Variants in SMOC1 observed in about 807,000 individuals in gnomAD.
SMOC1 encodes the protein SPARC related modular calcium binding 1, also known as SPARC-related modular calcium-binding protein 1.
SMOC1 carries 22 observed loss-of-function variants against 56.3 expected under a neutral mutation model. The observed-to-expected ratio is 0.39, with a 90% CI of 0.28 to 0.56. The LOEUF is 0.56. SMOC1 is among the 20% of genes least tolerant of loss of function. The pLI is 0.61. For synonymous variants in SMOC1, 193 were observed against 215.0 expected (o/e 0.90, Z 0.89); for missense variants, 509 against 565.4 (o/e 0.90, Z 1.01).
rs183998567 is a variant in SMOC1 at position 69,949,557 on chromosome 14, A to G, written c.100-2581A>G. Among the ~76,000 whole-genome samples the G allele has an allele frequency of 3.4e-3, 514 of 152,348 alleles. 4 individuals carry two copies. Among genetic ancestry groups the G allele is most frequent in the African/African-American group, 0.012 (495 of 41,582 alleles). On this transcript the variant is annotated intron_variant, in intron 1 of 11. Transcript: ENST00000361956. ...CCATGAAGGAAAAATGAAGTGTGAG[A>G]GAGTATTACAGGAGATTGTCCTCAC...
At position 70,030,322 on chromosome 14, in the gene SMOC1, A is replaced by T; in HGVS notation, c.*64A>T. Reference sequence around the variant, plus strand: ...GGCAGGATGGATCACCAGACACCTAACCTTCAGCGTTGCCCATGGCCCTGC... The same window carrying T: ...GGCAGGATGGATCACCAGACACCTATCCTTCAGCGTTGCCCATGGCCCTGC... On this transcript the variant is annotated 3_prime_UTR_variant, in exon 12 of 12. Coordinates refer to ENST00000361956, the MANE Select transcript of SMOC1 (RefSeq NM_001034852.3). 6.2e-7 allele frequency: 1 copy of T among 1,600,862 alleles called. No individual in the cohort carries two copies. The highest frequency in any genetic ancestry group is 8.5e-7 in the Non-Finnish European group (1 of 1,172,592).
At chr14:70,013,546 T>A in intron 10 of SMOC1, 55 bp downstream of exon 10, 1 of 1,454,714 alleles carries the variant, frequency 6.9e-7, no homozygotes, top group Non-Finnish European at 9.6e-7. Flanking sequence ...CCCCTGACTT[T>A]TCAAATGCTG....
In SMOC1 at chr14:69,953,463, G is replaced by A. The variant is rs1198635226; in HGVS notation, c.309G>A (p.Leu103=). The change falls in exon 3 of 12, where the codon CTG becomes CTA. Residue 103 remains leucine, a synonymous_variant. Transcript: ENST00000361956. ...GTCGCCTGGAGCGGGCTCAAGCCCT[G>A]GAGCAAGCCAAGAAGCCTCAGGAAG... The part of the protein sequence containing the change: ...SKCRLERAQA[L]EQAKKPQEAV... 3 of 1,614,132 alleles carry A rather than the reference G, an allele frequency of 1.9e-6. No individual in the cohort carries two copies. In the African/African-American group the frequency reaches 4.0e-5, roughly 22 times the overall value.
At chr14:69,970,685 G>C (rs1016001451) in intron 3 of SMOC1, among the ~76,000 whole-genome samples, 1 of 152,056 alleles carries the variant, frequency 6.6e-6, no homozygotes, top group African/African-American at 2.4e-5. Context: ...TTCATCTGTC[G>C]GCCCCATTTC....
intron 1 of SMOC1, among the ~76,000 whole-genome samples, chr14:69,923,403 G>A (rs1414647778): frequency 6.6e-6 from 1 of 152,184 alleles, no homozygotes; most frequent in Non-Finnish European, 1.5e-5. Context: ...GGCACACATA[G>A]GAATTGGGGT....
At chr14:70,027,221 G>A (rs1885959645) in intron 11 of SMOC1, among the ~76,000 whole-genome samples, 2 of 152,196 alleles carry the variant, frequency 1.3e-5, no homozygotes, top group African/African-American at 4.8e-5. Context: ...TTGCTCAAGG[G>A]TACATGTGAG....
intron 3 of SMOC1, among the ~76,000 whole-genome samples, chr14:69,957,129 T>C (rs1883216627): frequency 1.3e-5 from 2 of 152,186 alleles, no homozygotes; most frequent in African/African-American, 4.8e-5. Context: ...CTGACATCTG[T>C]TCTATCAAGT....
In SMOC1 at chr14:70,030,813, T is replaced by C. The variant is rs1356438375; in HGVS notation, c.*555T>C. The C allele has an allele frequency of 6.5e-6, 1 of 152,752 alleles. No individual in the cohort carries two copies. The highest frequency in any genetic ancestry group is 2.4e-5 in the African/African-American group (1 of 41,422). The allele number at this position is 152,752 out of a possible 1,614,324, so 9.5% of individuals were successfully genotyped here. ...GGAGTCCTGCAATTGTACTGCGGAC[T>C]CCACGAGTTCTTTTCTGGTGGGAGG... On this transcript the variant is annotated 3_prime_UTR_variant, in exon 12 of 12. Transcript: ENST00000361956.
intron 7 of SMOC1, among the ~76,000 whole-genome samples, chr14:70,009,497 G>T (rs1885258656): frequency 6.6e-6 from 1 of 152,200 alleles, no homozygotes; most frequent in Non-Finnish European, 1.5e-5. Flanking sequence ...TGCACAACAT[G>T]GTTCTCCAGG....
intron 1 of SMOC1, among the ~76,000 whole-genome samples, chr14:69,911,988 A>G (rs1182977736): frequency 6.6e-6 from 1 of 152,166 alleles, no homozygotes; most frequent in Non-Finnish European, 1.5e-5. Flanking sequence ...TGAGGGGTCT[A>G]GTTGCTCTGC....
At chr14:69,909,931 A>G (rs1884512643) in intron 1 of SMOC1, among the ~76,000 whole-genome samples, 1 of 152,162 alleles carries the variant, frequency 6.6e-6, no homozygotes, top group South Asian at 2.1e-4. Flanking sequence ...AGAGGACGTG[A>G]TTGGAGACCA....
intron 3 of SMOC1, among the ~76,000 whole-genome samples, chr14:69,969,527 G>A (rs61981601): frequency 0.035 from 5,376 of 152,170 alleles, 133 homozygotes; most frequent in Non-Finnish European, 0.05. Context: ...CTCACCCGCT[G>A]TCGTGAAAAC....
chr14:69,921,619 G>T (rs1884845175), intron 1 of SMOC1, among the ~76,000 whole-genome samples: 1 of 152,058 alleles, frequency 6.6e-6, no homozygotes, highest in Non-Finnish European at 1.5e-5. Context: ...GTGGGGTTTT[G>T]TATTCTGGGG....
chr14:69,908,021 A>G (rs552074431), intron 1 of SMOC1, among the ~76,000 whole-genome samples: 2 of 152,312 alleles, frequency 1.3e-5, no homozygotes, highest in South Asian at 4.1e-4. Context: ...TTTTGGAGGG[A>G]CATACACTTT....
At chr14:69,963,070 A>C (rs1029727051) in intron 3 of SMOC1, among the ~76,000 whole-genome samples, 1 of 152,132 alleles carries the variant, frequency 6.6e-6, no homozygotes, top group Admixed American at 6.5e-5. Flanking sequence ...TCCTTAATCT[A>C]TATGTCTAGT....
intron 1 of SMOC1, among the ~76,000 whole-genome samples, chr14:69,931,013 T>C (rs923747368): frequency 3.3e-5 from 5 of 152,208 alleles, no homozygotes; most frequent in Non-Finnish European, 7.4e-5. Flanking sequence ...TTTATTCTCT[T>C]TCCCCTTCAC....
intron 1 of SMOC1, among the ~76,000 whole-genome samples, chr14:69,881,517 G>T (rs1324101923): frequency 6.6e-6 from 1 of 152,110 alleles, no homozygotes; most frequent in Admixed American, 6.5e-5. Context: ...CCGTGGTTAG[G>T]TTCCTTCCAG....
At chr14:69,964,198 A>G (rs1029425343) in intron 3 of SMOC1, among the ~76,000 whole-genome samples, 1 of 150,726 alleles carries the variant, frequency 6.6e-6, no homozygotes, top group Non-Finnish European at 1.5e-5. Context: ...TGTCCCTACA[A>G]TTTGTCTATT....
intron 3 of SMOC1, 145 bp from the exon 4 acceptor site, chr14:69,975,570 A>G: frequency 1.4e-6 from 1 of 719,728 alleles, no homozygotes. Context: ...ACCACCCATG[A>G]GAGACACTCT....
Sources: allele counts gnomAD v4.1 joint callset (sites outside exome capture counted in the v4.1 genomes callset), GRCh38; gene constraint gnomAD v4.1.1; transcripts MANE v1.5; gene names NCBI Gene and HGNC (gene_info 2026-07-23, HGNC 2026-07-21).